MCC: variants seen among roughly 807,000 people sequenced by gnomAD.
The protein encoded by MCC is MCC regulator of Wnt signaling pathway, also known as colorectal mutant cancer protein.
In MCC, 90 loss-of-function variants were observed where a neutral mutation model predicts 116.2. The observed-to-expected ratio is 0.77, with a 90% CI of 0.65 to 0.92. The LOEUF is 0.92. MCC is among the 40% of genes least tolerant of loss of function. MCC has a pLI of 0.00. For missense variants in MCC, 1,516 were observed against 1,312.2 expected (o/e 1.16, Z -2.40); for synonymous variants, 578 against 510.5 (o/e 1.13, Z -1.78).
chr5:113,309,966 C>T (rs1033129764), intron 3 of MCC, among the ~76,000 whole-genome samples: 2 of 148,286 alleles, frequency 1.3e-5, no homozygotes, highest in South Asian at 4.5e-4. Flanking sequence ...TGTTTCATAC[C>T]ATTATCAATA....
chr5:113,380,835 T>A (rs1769101104), intron 2 of MCC, among the ~76,000 whole-genome samples: 1 of 152,146 alleles, frequency 6.6e-6, no homozygotes, highest in Admixed American at 6.5e-5. Flanking sequence ...CTGAGTTTGC[T>A]AAATTAGAGG....
intron 2 of MCC, among the ~76,000 whole-genome samples, chr5:113,358,519 T>C (rs1171543054): frequency 1.3e-5 from 2 of 152,178 alleles, no homozygotes; most frequent in African/African-American, 2.4e-5. Context: ...TCCTGAGACC[T>C]GTATTAACAG....
At position 113,143,336 on chromosome 5, in the gene MCC, C is replaced by G. The variant is rs1357276953; in HGVS notation, c.766G>C (p.Glu256Gln). ...AQCEQSHLMREHEDVQERTTL... is the reference protein window; with the variant it reads ...AQCEQSHLMRQHEDVQERTTL... ...GTTCGCTCCTGGACATCCTCATGCT[C>G]TCTCATGAGGTGGGACTGCTCGCAC... Residue 256 changes from glutamate to glutamine, a missense_variant, in exon 5 of 19, where the codon GAG (glutamate) becomes CAG (glutamine). Physicochemically the swap from Glu to Gln is conservative, Grantham distance 29. Transcript: ENST00000408903. 6.2e-6 allele frequency: 10 copies of G among 1,613,534 alleles called. No individual in the cohort carries two copies. The African/African-American group carries it at 8.0e-5, about 13-fold the overall frequency.
chr5:113,073,565 C>A (rs1754195270), intron 11 of MCC, among the ~76,000 whole-genome samples: 1 of 152,258 alleles, frequency 6.6e-6, no homozygotes, highest in Non-Finnish European at 1.5e-5. Context: ...TCCCCTTACT[C>A]CATTTCAGTT....
At position 113,434,528 on chromosome 5, in the gene MCC, G is replaced by C; in HGVS notation, c.171-49316C>G. The C allele has an allele frequency of 6.2e-7, 1 of 1,612,672 alleles. No homozygotes were observed. On this transcript the variant is annotated intron_variant, in intron 1 of 18. Transcript: ENST00000408903. The surrounding 1 kb of genome is among the most constrained non-coding windows in gnomAD (Gnocchi z 4.2). The stretch of plus-strand genomic sequence containing the variant: ...CTTCGTCCTCATGCAGGGCTCCCCG[G>C]GTTTTGATTAACTCGAGGAGGTCGC...
chr5:113,373,071 C>T (rs1220339146), intron 2 of MCC, among the ~76,000 whole-genome samples: 13 of 151,604 alleles, frequency 8.6e-5, no homozygotes, highest in Admixed American at 3.9e-4. Flanking sequence ...CTCAGCTACT[C>T]GGGAGGCTGA....
chr5:113,339,563 G>C (rs912862576), intron 3 of MCC, among the ~76,000 whole-genome samples: 1 of 152,064 alleles, frequency 6.6e-6, no homozygotes, highest in Non-Finnish European at 1.5e-5. Context: ...CTCTTTATTA[G>C]ACTTTCCTTG....
At chr5:113,138,406 A>G (rs1758971582) in intron 5 of MCC, among the ~76,000 whole-genome samples, 1 of 152,144 alleles carries the variant, frequency 6.6e-6, no homozygotes, top group Non-Finnish European at 1.5e-5. Context: ...TGAGGTCATG[A>G]GGGTGGGGTC....
intron 3 of MCC, among the ~76,000 whole-genome samples, chr5:113,282,525 AAG>A (rs1766087152): frequency 1.3e-5 from 2 of 152,196 alleles, no homozygotes; most frequent in Admixed American, 6.5e-5. Flanking sequence ...ATTATGCCAA[AAG>A]AGAGACAGAG....
At chr5:113,097,738 G>C (rs11750457) in intron 8 of MCC, among the ~76,000 whole-genome samples, 3,700 of 152,232 alleles carry the variant, frequency 0.024, 73 homozygotes, top group Middle Eastern at 0.054. Flanking sequence ...TTCCAGGCTG[G>C]TCTCAAACTC....
chr5:113,301,660 T>C (rs1406530588), intron 3 of MCC, among the ~76,000 whole-genome samples: 1 of 151,940 alleles, frequency 6.6e-6, no homozygotes, highest in Admixed American at 6.6e-5. Flanking sequence ...TTTCAGCATG[T>C]AGGTAAAGAA....
chr5:113,046,893 C>G (rs1435353406), intron 16 of MCC, among the ~76,000 whole-genome samples: 2 of 152,052 alleles, frequency 1.3e-5, no homozygotes, highest in Non-Finnish European at 2.9e-5. Flanking sequence ...AAAGCCCAAA[C>G]TGTATCACAT....
intron 3 of MCC, among the ~76,000 whole-genome samples, chr5:113,247,741 A>G (rs17135488): frequency 0.16 from 24,051 of 152,056 alleles, 2,242 homozygotes; most frequent in Admixed American, 0.29. Context: ...GGATTTGGCC[A>G]TCTACTGGAT....
intron 3 of MCC, among the ~76,000 whole-genome samples, chr5:113,298,630 A>G (rs758993854): frequency 7.2e-5 from 11 of 152,092 alleles, no homozygotes; most frequent in Non-Finnish European, 1.3e-4. Context: ...CTAAAAAGGG[A>G]GAAAAGGGGA....
intron 3 of MCC, among the ~76,000 whole-genome samples, chr5:113,204,004 A>G (rs1334257391): frequency 2.0e-5 from 3 of 152,094 alleles, no homozygotes; most frequent in Non-Finnish European, 2.9e-5. Flanking sequence ...AATATCCCCT[A>G]TTTTCCGTCC....
chr5:113,162,422 A>T (rs1316826768), intron 3 of MCC, among the ~76,000 whole-genome samples: 1 of 152,214 alleles, frequency 6.6e-6, no homozygotes, highest in Non-Finnish European at 1.5e-5. Context: ...TGAGAAGATT[A>T]GATGAAATAT....
intron 1 of MCC, among the ~76,000 whole-genome samples, chr5:113,450,605 T>C (rs188101111): frequency 1.3e-5 from 2 of 152,358 alleles, no homozygotes; most frequent in East Asian, 1.9e-4. Context: ...CAGCATATGC[T>C]ACATGTAGAA....
At chr5:113,476,760 G>C (rs348932) in intron 1 of MCC, among the ~76,000 whole-genome samples, 1 of 151,884 alleles carries the variant, frequency 6.6e-6, no homozygotes, top group Non-Finnish European at 1.5e-5. Flanking sequence ...GGGGAAATGA[G>C]GATGACTGCT....
chr5:113,043,229 T>C (rs535938412), intron 17 of MCC, among the ~76,000 whole-genome samples: 1 of 152,348 alleles, frequency 6.6e-6, no homozygotes, highest in South Asian at 2.1e-4. Context: ...TTCACCTCAC[T>C]AGTTAACACT....
Sources: gnomAD v4.1 joint callset for allele counts (sites outside exome capture counted in the v4.1 genomes callset) on GRCh38, gnomAD v4.1.1 for gene constraint, Gnocchi (gnomAD v3.1) non-coding constraint, MANE v1.5 for transcripts, NCBI Gene and HGNC (gene_info 2026-07-23, HGNC 2026-07-21) for gene names.